The following GAREM1 variants were observed in gnomAD, a reference collection of about 807,000 sequenced individuals.
The protein encoded by GAREM1 is GRB2-associated and regulator of MAPK protein 1.
A neutral mutation model predicts 71.3 loss-of-function variants in GAREM1; 26 were observed. That is an observed-to-expected ratio of 0.36 (90% CI 0.27 to 0.51). The LOEUF is 0.51. GAREM1 is among the 20% of genes least tolerant of loss of function. The pLI is 0.95. For synonymous variants in GAREM1, 440 were observed against 433.2 expected (o/e 1.02, Z -0.20); for missense variants, 1,026 against 1,103.1 (o/e 0.93, Z 0.99).
chr18:32,311,764 G>A (rs1219091899), intron 2 of GAREM1, among the ~76,000 whole-genome samples: 1 of 152,246 alleles, frequency 6.6e-6, no homozygotes, highest in Non-Finnish European at 1.5e-5. Flanking sequence ...TAGAGCAGTA[G>A]CAGGTGGTCA....
At chr18:32,321,284 C>G (rs2047425686) in intron 2 of GAREM1, among the ~76,000 whole-genome samples, 1 of 152,212 alleles carries the variant, frequency 6.6e-6, no homozygotes, top group Admixed American at 6.5e-5. Context: ...CATTTCCCCA[C>G]CATCTGTGCA....
chr18:32,376,423 C>A (rs1171664562), intron 2 of GAREM1, among the ~76,000 whole-genome samples: 1 of 152,214 alleles, frequency 6.6e-6, no homozygotes, highest in African/African-American at 2.4e-5. Flanking sequence ...TAGTTATAAT[C>A]TTTTGTTCAG....
rs1304373921 is a variant in GAREM1, at chr18:32,264,545, G to C, written c.*3326C>G. On this transcript the variant is annotated 3_prime_UTR_variant, in exon 6 of 6. Coordinates refer to ENST00000269209, the MANE Select transcript of GAREM1 (RefSeq NM_001242409.2). ...TTATGCATGTGTCTGAGAACAGTTGGAACGGACTGTCATAATATTTCCCAT... is the reference window on the plus strand; with the variant it reads ...TTATGCATGTGTCTGAGAACAGTTGCAACGGACTGTCATAATATTTCCCAT... The C allele has an allele frequency of 6.6e-6, 1 of 152,184 alleles. No individual in the cohort carries two copies. Among genetic ancestry groups the C allele is most frequent in the Non-Finnish European group, 1.5e-5 (1 of 68,026 alleles). The allele number at this position is 152,184 out of a possible 1,614,324, so 9.4% of individuals were successfully genotyped here.
At chr18:32,414,386 T>C (rs144380170) in intron 1 of GAREM1, among the ~76,000 whole-genome samples, 3 of 151,972 alleles carry the variant, frequency 2.0e-5, no homozygotes, top group Admixed American at 6.6e-5. Context: ...TATAAACATA[T>C]GAGTTATTTT....
intron 3 of GAREM1, among the ~76,000 whole-genome samples, chr18:32,308,605 T>C (rs2047281694): frequency 1.3e-5 from 2 of 149,920 alleles, no homozygotes; most frequent in Admixed American, 1.3e-4. Context: ...ACTAATGGAA[T>C]AGGATTTAAC....
At chr18:32,405,997 G>T (rs571418215) in intron 1 of GAREM1, among the ~76,000 whole-genome samples, 2 of 152,132 alleles carry the variant, frequency 1.3e-5, no homozygotes, top group East Asian at 3.9e-4. Context: ...CAACACCAGC[G>T]GTCTTCTAAT....
chr18:32,366,328 C>T (rs550535970), intron 2 of GAREM1, among the ~76,000 whole-genome samples: 73 of 152,280 alleles, frequency 4.8e-4, no homozygotes, highest in Non-Finnish European at 7.6e-4. Context: ...AGCCTGCCTC[C>T]TTTCAGGCAG....
chr18:32,363,590 C>A (rs576180228), intron 2 of GAREM1, among the ~76,000 whole-genome samples: 1 of 152,186 alleles, frequency 6.6e-6, no homozygotes, highest in South Asian at 2.1e-4. Flanking sequence ...CTAACTAAAT[C>A]AGGTTTTAGT....
At chr18:32,391,570 A>G (rs1459061311) in intron 2 of GAREM1, among the ~76,000 whole-genome samples, 2 of 152,190 alleles carry the variant, frequency 1.3e-5, no homozygotes, top group Admixed American at 6.5e-5. Context: ...GTTTTCCACA[A>G]AGACAGAAAC....
chr18:32,399,272 T>A (rs1016710926), intron 1 of GAREM1, among the ~76,000 whole-genome samples: 3 of 152,184 alleles, frequency 2.0e-5, no homozygotes, highest in Admixed American at 2.0e-4. Flanking sequence ...AAGACAGGGA[T>A]GCCCTCTCTC....
chr18:32,278,140 G>C (rs1365609150), intron 4 of GAREM1, among the ~76,000 whole-genome samples: 7 of 152,126 alleles, frequency 4.6e-5, no homozygotes, highest in African/African-American at 1.7e-4. Flanking sequence ...AAACGTAAAA[G>C]GACAGTTAAC....
intron 2 of GAREM1, among the ~76,000 whole-genome samples, chr18:32,353,944 G>C (rs992143970): frequency 6.6e-6 from 1 of 152,182 alleles, no homozygotes; most frequent in African/African-American, 2.4e-5. Context: ...CTCTGAACAA[G>C]TTGATTAATT....
intron 1 of GAREM1, among the ~76,000 whole-genome samples, chr18:32,407,366 G>A (rs2048374922): frequency 6.6e-6 from 1 of 152,194 alleles, no homozygotes; most frequent in Non-Finnish European, 1.5e-5. Context: ...GTTCTGAGTG[G>A]AGGTTGCAGT....
At chr18:32,399,378 A>G (rs2048289133) in intron 1 of GAREM1, among the ~76,000 whole-genome samples, 2 of 152,196 alleles carry the variant, frequency 1.3e-5, no homozygotes, top group Admixed American at 6.5e-5. Context: ...GAGGAAGTCA[A>G]ATTGTCCGTG....
At chr18:32,393,619 C>G (rs985020988) in intron 1 of GAREM1, among the ~76,000 whole-genome samples, 2 of 152,158 alleles carry the variant, frequency 1.3e-5, no homozygotes, top group African/African-American at 4.8e-5. Context: ...ATTAAATACT[C>G]ACAGTTCCTT....
intron 1 of GAREM1, among the ~76,000 whole-genome samples, chr18:32,405,552 T>A (rs1262990304): frequency 2.0e-5 from 3 of 152,294 alleles, no homozygotes; most frequent in Middle Eastern, 3.4e-3. Flanking sequence ...GGACTGACTA[T>A]CAAATAAGTG....
chr18:32,406,435 T>C (rs963637954), intron 1 of GAREM1, among the ~76,000 whole-genome samples: 3 of 152,166 alleles, frequency 2.0e-5, no homozygotes, highest in African/African-American at 7.2e-5. Flanking sequence ...TCTGGTAGTA[T>C]TTCTCTGTCC....
chr18:32,364,894 A>G (rs2047914444), intron 2 of GAREM1, among the ~76,000 whole-genome samples: 1 of 152,158 alleles, frequency 6.6e-6, no homozygotes, highest in Admixed American at 6.5e-5. Flanking sequence ...ACACACACAC[A>G]CACACACACA....
At chr18:32,398,382 GT>G (rs1433098915) in intron 1 of GAREM1, among the ~76,000 whole-genome samples, 5 of 152,122 alleles carry the variant, frequency 3.3e-5, no homozygotes, top group African/African-American at 1.2e-4. Context: ...CCAGGAGCTG[GT>G]TTTTTGGAAA....
Sources: gnomAD v4.1 joint callset for allele counts (sites outside exome capture counted in the v4.1 genomes callset) on GRCh38, gnomAD v4.1.1 for gene constraint, MANE v1.5 for transcripts, NCBI Gene and HGNC (gene_info 2026-07-23, HGNC 2026-07-21) for gene names.